The following DNAJC15 variants were observed in gnomAD, a reference collection of about 807,000 sequenced individuals.
DNAJC15 encodes the protein DnaJ heat shock protein family (Hsp40) member C15, also known as dnaJ homolog subfamily C member 15.
DNAJC15 carries 27 observed loss-of-function variants against 22.4 expected under a neutral mutation model. The ratio of observed to expected loss-of-function variants is 1.20; its 90% CI spans 0.89 to 1.66. The LOEUF is 1.66. Ranked by LOEUF, DNAJC15 falls within the 40% of genes most tolerant of loss-of-function variation. The pLI is 0.00. For synonymous variants in DNAJC15, 79 were observed against 63.2 expected, an observed-to-expected ratio of 1.25 and a Z score of -1.19; for missense variants, 208 against 187.1, an observed-to-expected ratio of 1.11 and a Z score of -0.65.
intron 1 of DNAJC15, among the ~76,000 whole-genome samples, chr13:43,062,968 C>CCA (rs1269287794): frequency 6.6e-6 from 1 of 151,792 alleles, no homozygotes; most frequent in East Asian, 1.9e-4. Context: ...ATCCATCTAC[C>CCA]TCGGCTTCCC....
chr13:43,093,903 G>GA lies in DNAJC15; in HGVS notation c.382+8069dup, dbSNP rs1275839851. ...ATCTCTTTTAATGTCTGGCTTAACA[G>GA]AAAATACCCTGATATAAATATCAAC... On this transcript the variant is annotated intron_variant, in intron 5 of 5. Transcript: ENST00000379221. 3.3e-5 allele frequency among the ~76,000 whole-genome samples: 5 copies of GA among 152,210 alleles called. No individual in the cohort carries two copies. In the South Asian group the frequency reaches 8.3e-4, roughly 25 times the overall value.
chr13:43,023,755 C>G (rs2153439120), intron 1 of DNAJC15, 21 bp downstream of exon 1: 2 of 1,586,188 alleles, frequency 1.3e-6, no homozygotes, highest in East Asian at 2.3e-5. Flanking sequence ...CCAGCGGCCC[C>G]CACCCCTCTC....
intron 1 of DNAJC15, among the ~76,000 whole-genome samples, chr13:43,044,728 T>C (rs2040468410): frequency 6.6e-6 from 1 of 152,076 alleles, no homozygotes; most frequent in African/African-American, 2.4e-5. Flanking sequence ...TCCATTATAT[T>C]TTCTCATTTC....
At chr13:43,076,664 G>C (rs2040635362) in intron 3 of DNAJC15, among the ~76,000 whole-genome samples, 1 of 152,074 alleles carries the variant, frequency 6.6e-6, no homozygotes, top group African/African-American at 2.4e-5. Flanking sequence ...ATATGTGTAT[G>C]TTTCCTCCTA....
intron 1 of DNAJC15, among the ~76,000 whole-genome samples, chr13:43,060,606 C>A (rs2040554197): frequency 6.6e-6 from 1 of 152,132 alleles, no homozygotes; most frequent in Admixed American, 6.5e-5. Flanking sequence ...TATACAGAGT[C>A]CTCTTTAACA....
At chr13:43,045,089 C>T (rs1366198542) in intron 1 of DNAJC15, among the ~76,000 whole-genome samples, 3 of 152,124 alleles carry the variant, frequency 2.0e-5, no homozygotes, top group Non-Finnish European at 2.9e-5. Flanking sequence ...GTGACCTGTT[C>T]GACCTTGTTG....
Position 43,078,700 on chromosome 13 carries a change from G to A in DNAJC15, c.311+12G>A, listed in dbSNP as rs373503268. Reference sequence around the variant, plus strand: ...ATTTTAGGTGTAAGGTAGGTGTGCAGCATAAGTATTGTTTTGTTGTGTGGC... The same window carrying A: ...ATTTTAGGTGTAAGGTAGGTGTGCAACATAAGTATTGTTTTGTTGTGTGGC... On this transcript the variant is annotated intron_variant, in intron 4 of 5. Transcript: ENST00000379221. The A allele has an allele frequency of 6.2e-7, 1 of 1,610,286 alleles. No individual in the cohort carries two copies. The highest frequency in any genetic ancestry group is 8.5e-7 in the Non-Finnish European group (1 of 1,177,492).
At chr13:43,052,158 T>G (rs575224160) in intron 1 of DNAJC15, among the ~76,000 whole-genome samples, 4 of 152,100 alleles carry the variant, frequency 2.6e-5, no homozygotes, top group African/African-American at 9.6e-5. Context: ...AGAGACAGGG[T>G]TTCACCATAT....
chr13:43,035,371 T>C (rs2040424445), intron 1 of DNAJC15, among the ~76,000 whole-genome samples: 1 of 152,226 alleles, frequency 6.6e-6, no homozygotes, highest in Non-Finnish European at 1.5e-5. Flanking sequence ...GGTATAAGGT[T>C]AAATATTGCA....
intron 1 of DNAJC15, among the ~76,000 whole-genome samples, chr13:43,057,410 T>G (rs1259201193): frequency 6.6e-6 from 1 of 152,214 alleles, no homozygotes; most frequent in East Asian, 1.9e-4. Context: ...TTCCAGTGTA[T>G]TTTGCATTTC....
At chr13:43,060,288 G>A (rs920861633) in intron 1 of DNAJC15, among the ~76,000 whole-genome samples, 2 of 152,092 alleles carry the variant, frequency 1.3e-5, no homozygotes, top group African/African-American at 4.8e-5. Context: ...GGGGTAAGGG[G>A]TAATATTGTG....
At position 43,069,005 on chromosome 13, in the gene DNAJC15, T is replaced by A. The variant is rs1458160396; in HGVS notation, c.234+2T>A. 1.2e-6 allele frequency: 2 copies of A among 1,610,926 alleles called. No individual in the cohort carries two copies. Among genetic ancestry groups the A allele is most frequent in the Non-Finnish European group, 1.7e-6 (2 of 1,178,536 alleles). On this transcript the variant is annotated splice_donor_variant, in intron 3 of 5. Transcript: ENST00000379221. LOFTEE classifies it high-confidence loss of function. ...ACTGCAAAGAAGATTTCAACTCCTG[T>A]AAGTTAAACGTGGCTTTAGTTAGAA...
intron 1 of DNAJC15, among the ~76,000 whole-genome samples, chr13:43,042,837 T>C (rs74399583): frequency 6.6e-6 from 1 of 152,096 alleles, no homozygotes; most frequent in African/African-American, 2.4e-5. Flanking sequence ...GTTAGCCACA[T>C]CTCCAAAATA....
chr13:43,051,659 GTGTATA>G (rs1272714875), intron 1 of DNAJC15, among the ~76,000 whole-genome samples: 1 of 102,516 alleles, frequency 9.8e-6, no homozygotes, highest in Non-Finnish European at 2.1e-5. Flanking sequence ...GTGTGTGTGT[GTGTATA>G]TATATCACAT....
chr13:43,028,456 A>AGCTTCTGGTATT (rs1427678777), intron 1 of DNAJC15, among the ~76,000 whole-genome samples: 16 of 152,176 alleles, frequency 1.1e-4, no homozygotes, highest in African/African-American at 3.9e-4. Context: ...TTTAAAAACA[A>AGCTTCTGGTATT]GTCTCTTTGC....
chr13:43,055,212 A>C (rs1419694458), intron 1 of DNAJC15, among the ~76,000 whole-genome samples: 1 of 151,672 alleles, frequency 6.6e-6, no homozygotes, highest in Non-Finnish European at 1.5e-5. Flanking sequence ...AAGTCTGCCC[A>C]TGTGATCCAG....
chr13:43,083,125 G>A (rs2040671003), intron 4 of DNAJC15, among the ~76,000 whole-genome samples: 1 of 151,894 alleles, frequency 6.6e-6, no homozygotes, highest in Admixed American at 6.6e-5. Context: ...GGAGGGTGAT[G>A]TAAAATGCAT....
chr13:43,035,386 C>A (rs1319506303), intron 1 of DNAJC15, among the ~76,000 whole-genome samples: 2 of 152,200 alleles, frequency 1.3e-5, no homozygotes, highest in Non-Finnish European at 2.9e-5. Flanking sequence ...ATTGCATATT[C>A]ATTCCTCTAA....
At chr13:43,046,883 G>A (rs898980148) in intron 1 of DNAJC15, among the ~76,000 whole-genome samples, 1 of 147,870 alleles carries the variant, frequency 6.8e-6, no homozygotes, top group Non-Finnish European at 1.5e-5. Context: ...GGTGCACATT[G>A]CCGCACCTGA....
Sources: allele counts gnomAD v4.1 joint callset (sites outside exome capture counted in the v4.1 genomes callset), GRCh38; gene constraint gnomAD v4.1.1; transcripts MANE v1.5; gene names NCBI Gene and HGNC (gene_info 2026-07-23, HGNC 2026-07-21).